EIF4ENIF1: variants seen among roughly 807,000 people sequenced by gnomAD.
The protein encoded by EIF4ENIF1 is eukaryotic translation initiation factor 4E nuclear import factor 1, also known as eukaryotic translation initiation factor 4E transporter.
Under a neutral mutation model 110.5 loss-of-function variants are expected in EIF4ENIF1, and 23 were observed. The ratio of observed to expected loss-of-function variants is 0.21; its 90% confidence interval spans 0.15 to 0.29. The LOEUF is 0.29. EIF4ENIF1 is among the 10% of genes least tolerant of loss of function. The pLI is 1.00. For synonymous variants in EIF4ENIF1, 440 were observed against 437.0 expected (o/e 1.01, Z -0.09); for missense variants, 1,031 against 1,221.1 (o/e 0.84, Z 2.32).
intron 17 of EIF4ENIF1, among the ~76,000 whole-genome samples, chr22:31,441,477 T>C (rs1392810936): frequency 6.7e-6 from 1 of 148,310 alleles, no homozygotes; most frequent in Non-Finnish European, 1.5e-5. Flanking sequence ...GAGGCAGAGG[T>C]TGCAGTGAGC....
At chr22:31,455,094 G>C in intron 9 of EIF4ENIF1, 42 bp downstream of exon 9, 1 of 1,531,414 alleles carries the variant, frequency 6.5e-7, no homozygotes, top group South Asian at 1.3e-5. Context: ...TGAACATCTA[G>C]ACCTTTTCAG....
At chr22:31,483,144 A>G (rs1227591569) in intron 2 of EIF4ENIF1, among the ~76,000 whole-genome samples, 1 of 150,574 alleles carries the variant, frequency 6.6e-6, no homozygotes, top group African/African-American at 2.4e-5. Flanking sequence ...ACTATATTCC[A>G]GAACTGGTGA....
chr22:31,490,375 GT>G (rs1431726690), upstream of EIF4ENIF1, among the ~76,000 whole-genome samples: 5 of 152,250 alleles, frequency 3.3e-5, no homozygotes, highest in East Asian at 7.7e-4. Context: ...AACCTCAGCT[GT>G]TTTGCGAGTG....
At chr22:31,476,641 T>C (rs2051582441) in intron 2 of EIF4ENIF1, among the ~76,000 whole-genome samples, 1 of 152,024 alleles carries the variant, frequency 6.6e-6, no homozygotes, top group African/African-American at 2.4e-5. Flanking sequence ...ACACATGTAA[T>C]CACAGCACTT....
intron 6 of EIF4ENIF1, 104 bp from the exon 7 acceptor site, chr22:31,458,754 TA>T (rs2096496537): frequency 2.8e-6 from 3 of 1,068,056 alleles, no homozygotes; most frequent in South Asian, 4.6e-5. Flanking sequence ...ACACATGACT[TA>T]AAAAGCAGAC....
intron 2 of EIF4ENIF1, 81 bp from the exon 3 acceptor site, chr22:31,471,998 A>G: frequency 1.8e-6 from 2 of 1,141,314 alleles, no homozygotes; most frequent in Non-Finnish European, 2.5e-6. Context: ...AATAATTCTA[A>G]GTGTCCATCT....
chr22:31,447,440 A>G lies in EIF4ENIF1; in HGVS notation c.1974T>C (p.Asp658=). The change falls in exon 14 of 19, where the codon GAT becomes GAC. Residue 658 remains aspartate, a synonymous_variant. Coordinates refer to ENST00000330125, the MANE Select transcript of EIF4ENIF1 (RefSeq NM_019843.4). ...FGKPQVDRTR[D]GFRNRQQRVT... ...TAGTAATTTACCTGTTTCTGAATCC[A>G]TCTCTGGTTCTGTCCACCTGTGGTT... 2 of 1,611,494 alleles carry G rather than the reference A, an allele frequency of 1.2e-6. No homozygotes were observed. The highest frequency in any genetic ancestry group is 1.3e-5 in the African/African-American group (1 of 74,926).
At chr22:31,463,234 G>C in intron 5 of EIF4ENIF1, 101 bp from the exon 6 acceptor site, 1 of 1,162,018 alleles carries the variant, frequency 8.6e-7, no homozygotes, top group Non-Finnish European at 1.2e-6. Context: ...AGGAAGATAT[G>C]ATGCTGTATA....
chr22:31,482,338 A>C (rs911987385), intron 2 of EIF4ENIF1, among the ~76,000 whole-genome samples: 1 of 152,192 alleles, frequency 6.6e-6, no homozygotes, highest in Non-Finnish European at 1.5e-5. Context: ...AATCAGTGGC[A>C]AAACACAGGA....
rs1280107892 is a variant in EIF4ENIF1 at position 31,441,802 on chromosome 22, T to C, written c.2523A>G (p.Pro841=). The C allele has an allele frequency of 1.2e-6, 2 of 1,613,216 alleles. No homozygotes were observed. Among genetic ancestry groups the C allele is most frequent in the East Asian group, 2.2e-5 (1 of 44,844 alleles). ...TTTGGAGCAAACTTGGAAGATGCTG[T>C]GGATGTACTCCCTGGGCCAGCATCC... The part of the protein sequence containing the change: ...VQRMLAQGVH[P]QHLPSLLQTG... The change falls in exon 17 of 19, where the codon CCA becomes CCG. Residue 841 remains proline (P), a synonymous_variant. Coordinates refer to ENST00000330125, the MANE Select transcript of EIF4ENIF1 (RefSeq NM_019843.4).
intron 7 of EIF4ENIF1, among the ~76,000 whole-genome samples, chr22:31,456,270 C>T (rs1048697126): frequency 4.1e-5 from 6 of 146,868 alleles, no homozygotes; most frequent in Non-Finnish European, 8.9e-5. Context: ...GTCACCCAGG[C>T]TGGAGTGCAG....
At chr22:31,493,073 G>A (rs1201019157), upstream of EIF4ENIF1, among the ~76,000 whole-genome samples, 6 of 151,188 alleles carry the variant, frequency 4.0e-5, no homozygotes, top group Non-Finnish European at 7.4e-5. Context: ...TCGCTCTGTC[G>A]TCCAGGCTGG....
At chr22:31,465,134 A>G (rs760909042) in intron 4 of EIF4ENIF1, among the ~76,000 whole-genome samples, 4 of 151,796 alleles carry the variant, frequency 2.6e-5, no homozygotes, top group Non-Finnish European at 5.9e-5. Context: ...GACTAGCCTG[A>G]CCAACATGGT....
At chr22:31,463,651 TAAAAAA>T (rs71319194) in intron 5 of EIF4ENIF1, 24 bp downstream of exon 5, 40 of 1,334,090 alleles carry the variant, frequency 3.0e-5, no homozygotes, top group African/African-American at 2.1e-4. Context: ...CGTCTCAATT[TAAAAAA>T]AAAAAAAAAA....
At chr22:31,492,553 TCTCA>T (rs2052294332), upstream of EIF4ENIF1, among the ~76,000 whole-genome samples, 1 of 152,154 alleles carries the variant, frequency 6.6e-6, no homozygotes, top group South Asian at 2.1e-4. Flanking sequence ...CCTCTCAAAG[TCTCA>T]CTCTGTCCTT....
At position 31,468,318 on chromosome 22, in the gene EIF4ENIF1, T is replaced by C; in HGVS notation, c.171-16A>G. 6.2e-7 allele frequency: 1 copy of C among 1,614,092 alleles called. No homozygotes were observed. The highest frequency in any genetic ancestry group is 8.5e-7 in the Non-Finnish European group (1 of 1,179,996). ...GACACCATCACTACAGGTCAAAAAA[T>C]ACAACTGTTAGCACTTACGCCCATG... is the stretch of plus-strand genomic sequence containing the variant. On this transcript the variant is annotated splice_polypyrimidine_tract_variant and intron_variant, in intron 3 of 18. Coordinates refer to ENST00000330125, the MANE Select transcript of EIF4ENIF1 (RefSeq NM_019843.4).
chr22:31,448,271 A>G (rs1290338647), intron 12 of EIF4ENIF1, 39 bp from the exon 13 acceptor site: 2 of 1,598,986 alleles, frequency 1.3e-6, no homozygotes, highest in Admixed American at 3.3e-5. Flanking sequence ...CCAAGATGGT[A>G]TGTGTGCATC....
At chr22:31,467,408 C>T (rs1306107644) in intron 4 of EIF4ENIF1, among the ~76,000 whole-genome samples, 1 of 152,172 alleles carries the variant, frequency 6.6e-6, no homozygotes, top group Non-Finnish European at 1.5e-5. Context: ...CTCCATTTCA[C>T]CCTTAAACAA....
At chr22:31,438,281 A>G (rs531631690), downstream of EIF4ENIF1, among the ~76,000 whole-genome samples, 1 of 152,352 alleles carries the variant, frequency 6.6e-6, no homozygotes, top group Admixed American at 6.5e-5. Context: ...CCAGTTAGGA[A>G]AGGGGACTCA....
Sources: allele counts gnomAD v4.1 joint callset (sites outside exome capture counted in the v4.1 genomes callset), GRCh38; gene constraint gnomAD v4.1.1; transcripts MANE v1.5; gene names NCBI Gene and HGNC (gene_info 2026-07-23, HGNC 2026-07-21).